Variants in TASOR observed in about 807,000 individuals in gnomAD.
The protein encoded by TASOR is protein TASOR.
TASOR carries 53 observed loss-of-function variants against 178.6 expected under a neutral mutation model. The observed-to-expected ratio is 0.30, with a 90% CI of 0.24 to 0.37. The LOEUF (loss-of-function observed/expected upper bound fraction) is 0.37. Ranked by LOEUF, TASOR falls within the 10% of genes least tolerant of loss-of-function variation. TASOR has a pLI of 1.00. For synonymous variants in TASOR, 713 were observed against 696.2 expected (o/e 1.02, Z -0.38); for missense variants, 1,815 against 1,971.4 (o/e 0.92, Z 1.50).
chr3:56,666,845 C>A (rs1366969507), intron 6 of TASOR, among the ~76,000 whole-genome samples: 2 of 152,184 alleles, frequency 1.3e-5, no homozygotes, highest in African/African-American at 4.8e-5. Flanking sequence ...AGAATCTGAA[C>A]ATAGGTGACA....
chr3:56,649,577 G>T (rs940510250), intron 11 of TASOR, among the ~76,000 whole-genome samples: 2 of 152,192 alleles, frequency 1.3e-5, no homozygotes, highest in Non-Finnish European at 2.9e-5. Flanking sequence ...AGCAACACAA[G>T]ATCCTTGATC....
chr3:56,646,938 G>A lies in TASOR; in HGVS notation c.1799C>T (p.Thr600Ile). ...SAPRNKSHID[T>I]CLHAYIFRPE... ...CCGAAAAATATAGGCATGCAAACAA[G>A]TATCAATATGGGATTTATTTCTGGG... Residue 600 changes from threonine to isoleucine, a missense_variant, in exon 14 of 24, where the codon ACT becomes ATT. Physicochemically the swap from Thr to Ile is moderately conservative, Grantham distance 89. This residue lies in a region of TASOR where 504 missense variants were observed against 645.3 expected (regional missense o/e 0.78). Transcript: ENST00000683822. The A allele has an allele frequency of 2.5e-6, 4 of 1,612,060 alleles. No individual in the cohort carries two copies. The highest frequency in any genetic ancestry group is 3.4e-6 in the Non-Finnish European group (4 of 1,179,592).
intron 7 of TASOR, among the ~76,000 whole-genome samples, chr3:56,664,741 T>C (rs1012987131): frequency 6.6e-6 from 1 of 152,176 alleles, no homozygotes; most frequent in Non-Finnish European, 1.5e-5. Flanking sequence ...CCTATAAATA[T>C]ACTTATTCCA....
intron 7 of TASOR, among the ~76,000 whole-genome samples, chr3:56,665,434 C>G (rs866906474): frequency 1.3e-5 from 2 of 152,016 alleles, no homozygotes; most frequent in Admixed American, 6.5e-5. Context: ...CAGCTCACTG[C>G]CAACCTCCAC....
chr3:56,621,243 G>T lies in TASOR; in HGVS notation c.*1794C>A. On this transcript the variant is annotated 3_prime_UTR_variant, in exon 24 of 24. Coordinates refer to ENST00000683822, the MANE Select transcript of TASOR (RefSeq NM_001365635.2). ...TCAGTATCTAAGAGCACTTGGGGGTGGACTGGGGGAGAAGGGATGACTTCA... is the reference window on the plus strand; with the variant it reads ...TCAGTATCTAAGAGCACTTGGGGGTTGACTGGGGGAGAAGGGATGACTTCA... 4.3e-6 allele frequency: 1 copy of T among 229,954 alleles called. No individual in the cohort carries two copies. Among genetic ancestry groups the T allele is most frequent in the Non-Finnish European group, 8.4e-6 (1 of 118,824 alleles). The allele number at this position is 229,954 out of a possible 1,614,324, so 14.2% of individuals were successfully genotyped here. A position where few individuals can be genotyped will look rare whatever the true frequency, so the allele number is the denominator to read the frequency against.
At chr3:56,661,092 A>C (rs769734985) in intron 9 of TASOR, 75 bp from the exon 10 acceptor site, 78 of 867,412 alleles carry the variant, frequency 9.0e-5, no homozygotes, top group Non-Finnish European at 2.2e-5. Flanking sequence ...ATACACAAAA[A>C]AGTACACTTG....
intron 11 of TASOR, among the ~76,000 whole-genome samples, chr3:56,652,301 T>C (rs6762851): frequency 0.5 from 76,373 of 151,964 alleles, 21,309 homozygotes; most frequent in East Asian, 0.83. Flanking sequence ...CTAAAATGGC[T>C]GGGCACGGTG....
chr3:56,634,426 T>A (rs2076976711), intron 17 of TASOR, among the ~76,000 whole-genome samples: 1 of 152,182 alleles, frequency 6.6e-6, no homozygotes. Flanking sequence ...CAAACAGAAA[T>A]GCTGTGGGAA....
intron 18 of TASOR, among the ~76,000 whole-genome samples, chr3:56,632,134 C>A (rs768954287): frequency 3.9e-5 from 6 of 152,046 alleles, no homozygotes; most frequent in African/African-American, 9.7e-5. Flanking sequence ...TAAACCCTGG[C>A]AACTTAACTT....
At chr3:56,638,234 A>G (rs1281753265) in intron 17 of TASOR, among the ~76,000 whole-genome samples, 2 of 151,892 alleles carry the variant, frequency 1.3e-5, no homozygotes, top group Non-Finnish European at 2.9e-5. Flanking sequence ...GCATGGTGGC[A>G]TGCGCCTGTA....
chr3:56,673,433 C>CA (rs5849162), intron 2 of TASOR, 147 bp downstream of exon 2: 16,671 of 190,810 alleles, frequency 0.087, 89 homozygotes, highest in Non-Finnish European at 0.11. Flanking sequence ...ACTCCGTCTC[C>CA]AAAAAAAAAA....
intron 6 of TASOR, among the ~76,000 whole-genome samples, chr3:56,667,442 C>T (rs193211454): frequency 6.6e-6 from 1 of 151,946 alleles, no homozygotes; most frequent in Admixed American, 6.6e-5. Context: ...CACCTGAGGT[C>T]AGGAGTTTGA....
At chr3:56,663,893 C>T in intron 7 of TASOR, 1 of 979,342 alleles carries the variant, frequency 1.0e-6, no homozygotes, top group Non-Finnish European at 1.2e-6. Context: ...AAGACACAGC[C>T]TCAATATATA....
At chr3:56,666,206 G>A in intron 7 of TASOR, 54 bp downstream of exon 7, 1 of 1,407,454 alleles carries the variant, frequency 7.1e-7, no homozygotes, top group Admixed American at 3.1e-5. Context: ...CAGTAGTACA[G>A]GATCTGTAGT....
chr3:56,646,538 A>C lies in TASOR; in HGVS notation c.2199T>G (p.Asn733Lys). 1.2e-6 allele frequency: 2 copies of C among 1,603,530 alleles called. No individual in the cohort carries two copies. The highest frequency in any genetic ancestry group is 1.7e-6 in the Non-Finnish European group (2 of 1,176,934). The change falls in exon 14 of 24, where the codon AAT (asparagine) becomes AAG (lysine). Residue 733 changes from asparagine (N) to lysine (K), a missense_variant. This residue lies in a region of TASOR where 655 missense variants were observed against 671.1 expected (regional missense o/e 0.98). Coordinates refer to ENST00000683822, the MANE Select transcript of TASOR (RefSeq NM_001365635.2). The stretch of plus-strand genomic sequence containing the variant: ...ATATTTTACCTTCATACAGATGGCA[A>C]TTTTCAGATAAATTACTGGTTTTGG... Reference protein sequence around the residue: ...KLAKTSNLSENCHLYEESPQP... With the variant: ...KLAKTSNLSEKCHLYEESPQP...
intron 11 of TASOR, among the ~76,000 whole-genome samples, chr3:56,652,540 C>A (rs1395956551): frequency 7.0e-6 from 1 of 143,202 alleles, no homozygotes; most frequent in African/African-American, 2.7e-5. Flanking sequence ...GATGACAAAG[C>A]AAGACCCTGC....
intron 14 of TASOR, among the ~76,000 whole-genome samples, chr3:56,645,436 T>G (rs1019588480): frequency 6.6e-6 from 1 of 152,170 alleles, no homozygotes. Context: ...AAGAGACAAG[T>G]TGCTTAATAA....
intron 11 of TASOR, among the ~76,000 whole-genome samples, chr3:56,649,327 C>G (rs2077301515): frequency 6.6e-6 from 1 of 152,104 alleles, no homozygotes; most frequent in Non-Finnish European, 1.5e-5. Context: ...TAATTTTTCC[C>G]TGAAGCTAAA....
chr3:56,637,145 T>C (rs1004612528), intron 17 of TASOR, among the ~76,000 whole-genome samples: 2 of 152,238 alleles, frequency 1.3e-5, no homozygotes, highest in African/African-American at 4.8e-5. Flanking sequence ...GATTAGCACT[T>C]ACTTGGGAAC....
Sources: gnomAD v4.1 joint callset for allele counts (sites outside exome capture counted in the v4.1 genomes callset) on GRCh38, gnomAD v4.1.1 for gene constraint, gnomAD v4.1.1 regional missense constraint, MANE v1.5 for transcripts, NCBI Gene and HGNC (gene_info 2026-07-23, HGNC 2026-07-21) for gene names.